UPRT: variants seen among roughly 807,000 people sequenced by gnomAD.
UPRT encodes the protein RP11-311P8.3.
A neutral mutation model predicts 22.6 loss-of-function variants in UPRT; 5 were observed. The ratio of observed to expected loss-of-function variants is 0.22; its 90% CI spans 0.12 to 0.47. The LOEUF (loss-of-function observed/expected upper bound fraction) is 0.47, where lower values mean the gene tolerates loss of function less well. Ranked by LOEUF, UPRT falls within the 20% of genes least tolerant of loss-of-function variation. The pLI, the probability that UPRT is intolerant of heterozygous loss-of-function variation, is 0.99. For synonymous variants in UPRT, 77 were observed against 87.7 expected, an observed-to-expected ratio of 0.88 and a Z score of 0.68; for missense variants, 181 against 239.9, an observed-to-expected ratio of 0.75 and a Z score of 1.62.
chrX:75,188,530 T>G (rs2082303214), intron 4 of UPRT, among the ~76,000 whole-genome samples: 1 of 112,918 alleles, frequency 8.9e-6, no homozygotes, highest in South Asian at 3.6e-4. Flanking sequence ...GCAGGCCTCC[T>G]TGAGCTGTGG....
chrX:75,273,211 A>G (rs151099216), upstream of UPRT, among the ~76,000 whole-genome samples: 534 of 111,302 alleles, frequency 4.8e-3, 3 homozygotes, highest in Non-Finnish European at 8.3e-3. Context: ...GGATCAGGAA[A>G]GACAACTAGT....
chrX:75,264,022 T>G (rs759743328), intron 4 of UPRT, among the ~76,000 whole-genome samples: 5 of 111,369 alleles, frequency 4.5e-5, no homozygotes, highest in African/African-American at 6.5e-5. Flanking sequence ...ATGTAGTTGA[T>G]CAGTTTTGAG....
intron 1 of UPRT, among the ~76,000 whole-genome samples, chrX:75,279,359 G>T (rs1432133989): frequency 9.0e-6 from 1 of 110,990 alleles, no homozygotes; most frequent in African/African-American, 3.3e-5. Flanking sequence ...CGGTTTTTGT[G>T]TGTTTCCCGT....
chrX:75,179,758 C>A (rs773725761), intron 4 of UPRT, among the ~76,000 whole-genome samples: 42 of 113,318 alleles, frequency 3.7e-4, no homozygotes, highest in Middle Eastern at 4.6e-3. Flanking sequence ...GCCACTGGCC[C>A]GGGTGCTAAG....
chrX:75,254,315 T>C (rs2082541910), intron 4 of UPRT, among the ~76,000 whole-genome samples: 2 of 111,124 alleles, frequency 1.8e-5, no homozygotes, highest in Admixed American at 1.9e-4. Flanking sequence ...AAATAGTCAA[T>C]GAAATAGCAT....
intron 4 of UPRT, among the ~76,000 whole-genome samples, chrX:75,218,101 G>A (rs1176342092): frequency 3.7e-5 from 4 of 109,055 alleles, no homozygotes; most frequent in East Asian, 5.8e-4. Flanking sequence ...TGAACAGGCA[G>A]CCTACAAAAT....
At chrX:75,234,169 A>G (rs1330147770) in intron 4 of UPRT, among the ~76,000 whole-genome samples, 1 of 111,206 alleles carries the variant, frequency 9.0e-6, no homozygotes, top group African/African-American at 3.3e-5. Flanking sequence ...TAAACCAACA[A>G]AGATCAAAAG....
intron 4 of UPRT, among the ~76,000 whole-genome samples, chrX:75,184,024 T>C (rs2082280445): frequency 8.9e-6 from 1 of 112,388 alleles, no homozygotes; most frequent in East Asian, 2.8e-4. Flanking sequence ...GCACTTTAGT[T>C]TAACTAGATC....
At position 75,257,829 on chromosome X, in the gene UPRT, A is replaced by C. The variant is rs1163931510; in HGVS notation, c.-446-33195A>C. On this transcript the variant is annotated intron_variant, in intron 4 of 13. Transcript: ENST00000652605. ...CCAAATAGGAGCAGCTCCAGTCTGC[A>C]GCTCCCAATGAGATTGATGCAGAAG... 5.4e-5 allele frequency among the ~76,000 whole-genome samples: 6 copies of C among 111,395 alleles called. No homozygotes were observed. In the South Asian group the frequency reaches 2.3e-3, roughly 43 times the overall value.
intron 4 of UPRT, among the ~76,000 whole-genome samples, chrX:75,169,184 G>A (rs1383708999): frequency 8.9e-6 from 1 of 112,004 alleles, no homozygotes; most frequent in Non-Finnish European, 1.9e-5. Flanking sequence ...GTTGATTGAT[G>A]GCCATCTGGG....
Position 75,296,423 on chromosome X carries a change from T to C in UPRT, c.499+12T>C. On this transcript the variant is annotated intron_variant, in intron 3 of 6. Transcript: ENST00000373383. Reference sequence around the variant, plus strand: ...GACCACTCCAACAGGTAACTAGGGCTGTTATTCTCAAATTTTCCTCATAAA... The same window carrying C: ...GACCACTCCAACAGGTAACTAGGGCCGTTATTCTCAAATTTTCCTCATAAA... 4 of 1,198,388 alleles carry C rather than the reference T, an allele frequency of 3.3e-6. No homozygotes were observed. Among genetic ancestry groups the C allele is most frequent in the Non-Finnish European group, 4.5e-6 (4 of 885,022 alleles).
chrX:75,295,543 G>T (rs1292654864), intron 2 of UPRT, among the ~76,000 whole-genome samples: 2 of 112,061 alleles, frequency 1.8e-5, no homozygotes, highest in Non-Finnish European at 3.8e-5. Flanking sequence ...TGTTTTAATG[G>T]CAGCAGGGTG....
At chrX:75,263,097 C>G (rs1440885147) in intron 4 of UPRT, among the ~76,000 whole-genome samples, 1 of 112,033 alleles carries the variant, frequency 8.9e-6, no homozygotes, top group Admixed American at 9.5e-5. Context: ...GAAATCATAA[C>G]AAACAGCCTC....
rs752533417 is a variant in UPRT at position 75,293,462 on chromosome X, C to CT, written c.387-3dup. On this transcript the variant is annotated splice_polypyrimidine_tract_variant and intron_variant, in intron 1 of 6. Coordinates refer to ENST00000373383, the MANE Select transcript of UPRT (RefSeq NM_145052.4). ...TAATTTAGACTAAAACTTGTATTATCTTTTTTTAGGACAGCCAGTAGAGGT... is the reference window on the plus strand; with the variant it reads ...TAATTTAGACTAAAACTTGTATTATCTTTTTTTTAGGACAGCCAGTAGAGGT... 8.3e-7 allele frequency: 1 copy of CT among 1,199,922 alleles called. No individual in the cohort carries two copies. The highest frequency in any genetic ancestry group is 1.8e-5 in the South Asian group (1 of 54,452).
intron 4 of UPRT, among the ~76,000 whole-genome samples, chrX:75,236,371 G>C (rs1042931131): frequency 2.1e-4 from 23 of 111,373 alleles, no homozygotes; most frequent in Admixed American, 1.9e-3. Flanking sequence ...TGGCCATACT[G>C]CCCAAGGTAA....
intron 4 of UPRT, among the ~76,000 whole-genome samples, chrX:75,182,673 A>C (rs190422113): frequency 4.5e-4 from 50 of 111,182 alleles, no homozygotes; most frequent in African/African-American, 1.6e-3. Flanking sequence ...TGTTTTTTGT[A>C]TATTTGTGGG....
chrX:75,267,121 A>G (rs1316537207), intron 4 of UPRT, among the ~76,000 whole-genome samples: 2 of 111,967 alleles, frequency 1.8e-5, no homozygotes, highest in Non-Finnish European at 3.8e-5. Flanking sequence ...TCATGCTGCT[A>G]TAAAGACACA....
At chrX:75,181,686 C>A (rs2082270832) in intron 4 of UPRT, among the ~76,000 whole-genome samples, 2 of 111,801 alleles carry the variant, frequency 1.8e-5, no homozygotes, top group African/African-American at 6.5e-5. Context: ...GATTTTTGTA[C>A]ATTTACTTTG....
intron 4 of UPRT, among the ~76,000 whole-genome samples, chrX:75,261,345 G>T (rs2082567078): frequency 9.0e-6 from 1 of 111,645 alleles, no homozygotes; most frequent in South Asian, 3.7e-4. Flanking sequence ...TATCACCAAA[G>T]ATCCCAAAGA....
Sources: allele counts gnomAD v4.1 joint callset (sites outside exome capture counted in the v4.1 genomes callset), GRCh38; gene constraint gnomAD v4.1.1; transcripts MANE v1.5; gene names NCBI Gene and HGNC (gene_info 2026-07-23, HGNC 2026-07-21).